TRPC5: variants seen among roughly 807,000 people sequenced by gnomAD.
TRPC5 encodes short transient receptor potential channel 5.
A neutral mutation model predicts 56.5 loss-of-function variants in TRPC5; 9 were observed. That is an observed-to-expected ratio of 0.16 (90% CI 0.10 to 0.28). The LOEUF is 0.28. Among genes scored for constraint, TRPC5 ranks in the 10% least tolerant of loss-of-function variants. The pLI, the probability that TRPC5 is intolerant of heterozygous loss-of-function variation, is 1.00. For synonymous variants in TRPC5, 282 were observed against 278.5 expected (o/e 1.01, Z -0.13); for missense variants, 469 against 748.9 (o/e 0.63, Z 4.36).
At chrX:111,968,522 A>C (rs1409992037) in intron 1 of TRPC5, among the ~76,000 whole-genome samples, 2 of 110,860 alleles carry the variant, frequency 1.8e-5, no homozygotes, top group Non-Finnish European at 3.8e-5. Flanking sequence ...AGACACATGC[A>C]TACGTATGTT....
At chrX:111,986,267 C>A (rs1282899701) in intron 1 of TRPC5, among the ~76,000 whole-genome samples, 1 of 110,799 alleles carries the variant, frequency 9.0e-6, no homozygotes, top group Non-Finnish European at 1.9e-5. Context: ...AATGCAGAAT[C>A]TCTAGTTAGT....
chrX:112,044,887 T>C (rs1028071406), intron 1 of TRPC5, among the ~76,000 whole-genome samples: 2 of 112,008 alleles, frequency 1.8e-5, no homozygotes, highest in African/African-American at 6.5e-5. Context: ...TTCTGGGCCA[T>C]GGGTAATTCA....
chrX:112,064,655 A>G (rs1409830368), intron 1 of TRPC5, among the ~76,000 whole-genome samples: 4 of 112,521 alleles, frequency 3.6e-5, no homozygotes, highest in African/African-American at 1.3e-4. Context: ...TGTATCAGGA[A>G]TAATCTCTCT....
At chrX:111,793,102 AG>A (rs1328063977) in intron 7 of TRPC5, among the ~76,000 whole-genome samples, 1 of 111,139 alleles carries the variant, frequency 9.0e-6, no homozygotes, top group Non-Finnish European at 1.9e-5. Flanking sequence ...GCAGAGGAGC[AG>A]GGGAATGAAT....
chrX:111,809,718 C>T (rs964881568), intron 7 of TRPC5, among the ~76,000 whole-genome samples: 6 of 111,080 alleles, frequency 5.4e-5, no homozygotes, highest in Non-Finnish European at 7.5e-5. Context: ...GCACAGAGGA[C>T]GGTTGTTGGA....
chrX:111,804,389 G>A (rs1235965364), intron 7 of TRPC5, among the ~76,000 whole-genome samples: 21 of 111,502 alleles, frequency 1.9e-4, no homozygotes, highest in Non-Finnish European at 3.8e-4. Context: ...TTCTGTGAAG[G>A]AAGTCATTGG....
chrX:112,043,138 G>A (rs1197166316), intron 1 of TRPC5, among the ~76,000 whole-genome samples: 1 of 111,792 alleles, frequency 8.9e-6, no homozygotes, highest in African/African-American at 3.3e-5. Context: ...TTTTGAGGTA[G>A]GAACTGTGGT....
chrX:111,835,026 G>A lies in TRPC5; in HGVS notation c.1791C>T (p.Thr597=), dbSNP rs80221920. ...VTNVKARHEF[T]EFVGATMFGT... is the part of the protein sequence containing the mutation. ...CAAACATGGTAGCTCCTACAAACTC[G>A]GTGAATTCGTGTCTGGCTTTCACAT... Residue 597 remains threonine (T), a synonymous_variant, in exon 7 of 11, where the codon ACC becomes ACT. Transcript: ENST00000262839. 8.9e-4 allele frequency: 1,082 copies of A among 1,209,198 alleles called. 5 individuals carry two copies. The African/African-American group carries it at 0.016, about 18-fold the overall frequency.
At chrX:111,846,291 G>A (rs1922924375) in intron 6 of TRPC5, among the ~76,000 whole-genome samples, 1 of 111,743 alleles carries the variant, frequency 8.9e-6, no homozygotes, top group African/African-American at 3.3e-5. Flanking sequence ...GGGTGGAGAT[G>A]GACAAGATGT....
At chrX:111,889,118 T>C (rs1924679889) in intron 3 of TRPC5, among the ~76,000 whole-genome samples, 1 of 112,003 alleles carries the variant, frequency 8.9e-6, no homozygotes, top group African/African-American at 3.3e-5. Context: ...CATCTGCCTA[T>C]AGGTGTTATT....
At chrX:111,924,822 G>A (rs967056598) in intron 2 of TRPC5, among the ~76,000 whole-genome samples, 7 of 112,665 alleles carry the variant, frequency 6.2e-5, no homozygotes, top group African/African-American at 1.9e-4. Flanking sequence ...TGCCCTAAAT[G>A]TAAGCATAGT....
intron 3 of TRPC5, among the ~76,000 whole-genome samples, chrX:111,911,977 C>T (rs891280985): frequency 6.3e-5 from 7 of 111,910 alleles, no homozygotes; most frequent in Non-Finnish European, 3.8e-5. Flanking sequence ...CTATATCCAC[C>T]ACCAGCTTGT....
chrX:112,032,434 G>C (rs925892195), intron 1 of TRPC5, among the ~76,000 whole-genome samples: 6 of 111,587 alleles, frequency 5.4e-5, no homozygotes, highest in Admixed American at 3.8e-4. Context: ...ATGTCAAAGA[G>C]ATACCTGCAT....
intron 7 of TRPC5, among the ~76,000 whole-genome samples, chrX:111,813,482 C>T (rs766336582): frequency 2.0e-4 from 23 of 112,578 alleles, no homozygotes; most frequent in Non-Finnish European, 3.9e-4. Context: ...TTCAATTTTA[C>T]ATTTCTCAAC....
intron 7 of TRPC5, among the ~76,000 whole-genome samples, chrX:111,829,301 CAAA>C (rs34464345): frequency 2.4e-3 from 53 of 22,356 alleles, no homozygotes; most frequent in African/African-American, 5.0e-3. Context: ...GACTCTGTCT[CAAA>C]AAAAAAAAAA....
chrX:112,021,427 A>G (rs1433065443), intron 1 of TRPC5, among the ~76,000 whole-genome samples: 1 of 112,074 alleles, frequency 8.9e-6, no homozygotes, highest in Non-Finnish European at 1.9e-5. Flanking sequence ...GCTTTTCCCT[A>G]CTAACCAGTG....
At chrX:111,960,696 C>T (rs1389207054) in intron 1 of TRPC5, among the ~76,000 whole-genome samples, 6 of 111,860 alleles carry the variant, frequency 5.4e-5, no homozygotes, top group Non-Finnish European at 9.4e-5. Context: ...ATTTCCGTTG[C>T]CCCTTTACTT....
intron 3 of TRPC5, among the ~76,000 whole-genome samples, chrX:111,881,521 T>A (rs1361119016): frequency 9.0e-6 from 1 of 111,565 alleles, no homozygotes; most frequent in Non-Finnish European, 1.9e-5. Flanking sequence ...AATGTCGGTG[T>A]CCTAGAAGAA....
chrX:112,072,579 C>A (rs1930741381), intron 1 of TRPC5, among the ~76,000 whole-genome samples: 1 of 111,735 alleles, frequency 8.9e-6, no homozygotes, highest in Admixed American at 9.5e-5. Flanking sequence ...CCCTAACCTG[C>A]TATTTTTCTT....
Sources: allele counts gnomAD v4.1 joint callset (sites outside exome capture counted in the v4.1 genomes callset), GRCh38; gene constraint gnomAD v4.1.1; transcripts MANE v1.5; gene names NCBI Gene and HGNC (gene_info 2026-07-23, HGNC 2026-07-21).